EPHA10: variants seen among roughly 807,000 people sequenced by gnomAD.
The protein encoded by EPHA10 is EPH receptor A10.
A neutral mutation model predicts 109.7 loss-of-function variants in EPHA10; 120 were observed. The ratio of observed to expected loss-of-function variants is 1.09; its 90% CI spans 0.94 to 1.27. The LOEUF (loss-of-function observed/expected upper bound fraction) is 1.27. Ranked by LOEUF, EPHA10 falls within the 50% of genes most tolerant of loss-of-function variation. EPHA10 has a pLI of 0.00. For synonymous variants in EPHA10, 640 were observed against 618.9 expected (o/e 1.03, Z -0.51); for missense variants, 1,396 against 1,411.1 (o/e 0.99, Z 0.17).
chr1:37,747,360 G>C (rs1038455092), intron 5 of EPHA10, among the ~76,000 whole-genome samples: 1 of 151,992 alleles, frequency 6.6e-6, no homozygotes, highest in Non-Finnish European at 1.5e-5. Context: ...AGACAAGTTT[G>C]GGCAACATAG....
intron 4 of EPHA10, among the ~76,000 whole-genome samples, chr1:37,753,695 CG>C (rs1646364692): frequency 1.3e-5 from 1 of 76,202 alleles, no homozygotes; most frequent in Non-Finnish European, 2.9e-5. Flanking sequence ...CAGGGGCGAG[CG>C]GGAGCAGGGG....
At chr1:37,727,048 T>C (rs1355530709) in intron 8 of EPHA10, 54 bp downstream of exon 8, 30 of 1,410,858 alleles carry the variant, frequency 2.1e-5, no homozygotes, top group African/African-American at 2.9e-5. Flanking sequence ...CACACATTAA[T>C]GTGCACGGGA....
At position 37,754,794 on chromosome 1, in the gene EPHA10, TTTTA is replaced by T. The variant is rs1475040313; in HGVS notation, c.851-428_851-425del. Among the ~76,000 whole-genome samples the T allele has an allele frequency of 6.6e-6, 1 of 152,156 alleles. No homozygotes were observed. Among genetic ancestry groups the T allele is most frequent in the Non-Finnish European group, 1.5e-5 (1 of 68,022 alleles). On this transcript the variant is annotated intron_variant, in intron 3 of 16. Transcript: ENST00000373048. This position sits in a 1 kb window ranked among gnomAD's most constrained non-coding sequence, Gnocchi z 4.5. ...GGTTATATACTTTATCCTCTTTTTA[TTTTA>T]TTTATTTTTTCTTTTTTCTTTTCGA...
chr1:37,724,934 T>TG (rs1273449878), intron 8 of EPHA10, among the ~76,000 whole-genome samples: 2 of 152,094 alleles, frequency 1.3e-5, no homozygotes, highest in African/African-American at 2.4e-5. Context: ...TTCACTGTTA[T>TG]GGGGGGCAGA....
chr1:37,765,110 G>T lies in EPHA10; in HGVS notation c.-44C>A, dbSNP rs1205285087. On this transcript the variant is annotated 5_prime_UTR_variant, in exon 1 of 17. Transcript: ENST00000373048. ...TCAGTCCGGCGGCGGCTCAAGCCGC[G>T]CCAGCCTAGCACCGCTGAGCAATGC... The T allele has an allele frequency of 1.3e-6, 2 of 1,524,512 alleles. No homozygotes were observed. Among genetic ancestry groups the T allele is most frequent in the African/African-American group, 1.4e-5 (1 of 73,460 alleles). The allele number at this position is 1,524,512 out of a possible 1,614,324, so 94.4% of individuals were successfully genotyped here.
rs1645715768 is a variant in EPHA10, at chr1:37,717,821, T to C, written c.*551A>G. ...TTGCCTGCCTGAGCCTTGGCCAGTG[T>C]CCAGTCAGCCCCTGCCAAGGCACAG... On this transcript the variant is annotated 3_prime_UTR_variant, in exon 17 of 17. Transcript: ENST00000373048. The C allele has an allele frequency of 8.5e-6, 2 of 234,408 alleles. No homozygotes were observed. Among genetic ancestry groups the C allele is most frequent in the Non-Finnish European group, 1.7e-5 (2 of 118,784 alleles). 14.5% of individuals were successfully genotyped at this position (234,408 alleles called of 1,614,324 possible).
chr1:37,714,804 G>C (rs539227764), downstream of EPHA10: 1 of 152,394 alleles, frequency 6.6e-6, no homozygotes, highest in Admixed American at 6.5e-5. Flanking sequence ...CAGAGCAGAA[G>C]CTCCCCTCAC....
chr1:37,753,088 C>A lies in EPHA10; in HGVS notation c.1145G>T (p.Arg382Leu). ...TYSLLCLRCG[R>L]EGPAGACEPC... ...CTCGCAGGCGCCCGCCGGGCCCTCGCGGCCGCAGCGCAGGCACAGCAGCGA... is the reference window on the plus strand; with the variant it reads ...CTCGCAGGCGCCCGCCGGGCCCTCGAGGCCGCAGCGCAGGCACAGCAGCGA... The change falls in exon 5 of 17, where the codon CGC becomes CTC. Residue 382 changes from arginine (R) to leucine (L), a missense_variant. Coordinates refer to ENST00000373048, the MANE Select transcript of EPHA10 (RefSeq NM_001099439.2). 2 of 1,316,486 alleles carry A rather than the reference C, an allele frequency of 1.5e-6. No individual in the cohort carries two copies. Among genetic ancestry groups the A allele is most frequent in the Non-Finnish European group, 1.9e-6 (2 of 1,032,408 alleles). 81.6% of individuals were successfully genotyped at this position (1,316,486 alleles called of 1,614,324 possible). A position where few individuals can be genotyped will look rare whatever the true frequency, so the allele number is the denominator to read the frequency against.
chr1:37,731,712 C>T (rs746160242), intron 6 of EPHA10, 130 bp from the exon 7 acceptor site: 34 of 960,236 alleles, frequency 3.5e-5, no homozygotes, highest in Non-Finnish European at 4.9e-5. Context: ...GAAAACCCAA[C>T]CTCAATCATC....
In EPHA10 at chr1:37,754,593, T is replaced by G. The variant is rs1646377705; in HGVS notation, c.851-223A>C. Among the ~76,000 whole-genome samples, 1 of 152,122 alleles carries G rather than the reference T, an allele frequency of 6.6e-6. No individual in the cohort carries two copies. The highest frequency in any genetic ancestry group is 2.4e-5 in the African/African-American group (1 of 41,416). ...CGGAAAACTTTGAAACATTTTACTT[T>G]CAGCCGGGCGCGGTGGCTCATGCCT... On this transcript the variant is annotated intron_variant, in intron 3 of 16. Coordinates refer to ENST00000373048, the MANE Select transcript of EPHA10 (RefSeq NM_001099439.2). This position sits in a 1 kb window ranked among gnomAD's most constrained non-coding sequence, Gnocchi z 4.5.
Position 37,731,542 on chromosome 1 carries a change from G to A in EPHA10, c.1532C>T (p.Ala511Val), listed in dbSNP as rs141193695. The A allele has an allele frequency of 2.8e-4, 453 of 1,613,868 alleles. No individual in the cohort carries two copies. The African/African-American group carries it at 4.9e-3, about 17-fold the overall frequency. The change falls in exon 7 of 17, where the codon GCG becomes GTG. Residue 511 changes from alanine to valine, a missense_variant. Coordinates refer to ENST00000373048, the MANE Select transcript of EPHA10 (RefSeq NM_001099439.2). ...EQTYSMVKTGAPTVTVTNLKP... is the reference protein window; with the variant it reads ...EQTYSMVKTGVPTVTVTNLKP... The stretch of plus-strand genomic sequence containing the variant: ...CAGGTTGGTGACGGTGACTGTGGGC[G>A]CCCCTGTCTTCACCATGGAGTAAGT...
At chr1:37,732,280 C>A (rs1176433649) in intron 6 of EPHA10, among the ~76,000 whole-genome samples, 2 of 152,068 alleles carry the variant, frequency 1.3e-5, no homozygotes, top group Non-Finnish European at 1.5e-5. Context: ...AAGGAAGGGG[C>A]TGGTGCACCC....
At chr1:37,727,248 C>T in intron 7 of EPHA10, 38 bp from the exon 8 acceptor site, 1 of 1,542,456 alleles carries the variant, frequency 6.5e-7, no homozygotes, top group South Asian at 1.2e-5. Context: ...AGGCAGAGGA[C>T]CAGGCTCCTA....
intron 10 of EPHA10, 103 bp from the exon 11 acceptor site, chr1:37,721,948 T>C (rs1169508158): frequency 2.6e-6 from 3 of 1,174,258 alleles, no homozygotes; most frequent in Admixed American, 3.4e-5. Flanking sequence ...CTGGCCAACA[T>C]GGCGAAACCC....
At chr1:37,721,628 C>T (rs771273380) in intron 11 of EPHA10, 32 bp downstream of exon 11, 22 of 1,575,196 alleles carry the variant, frequency 1.4e-5, no homozygotes, top group Non-Finnish European at 1.8e-5. Flanking sequence ...TACCCGTGGG[C>T]TGGGCAGCAG....
At chr1:37,727,303 T>C in intron 7 of EPHA10, 93 bp from the exon 8 acceptor site, 1 of 1,023,938 alleles carries the variant, frequency 9.8e-7, no homozygotes, top group Non-Finnish European at 1.4e-6. Context: ...GTAGCAGGAT[T>C]CCCATAGCAC....
intron 5 of EPHA10, among the ~76,000 whole-genome samples, chr1:37,751,709 T>TA (rs1646330427): frequency 6.9e-6 from 1 of 145,590 alleles, no homozygotes; most frequent in Non-Finnish European, 1.5e-5. Flanking sequence ...CCGTCTCTAC[T>TA]AAAAAATACA....
chr1:37,719,273 G>C, intron 15 of EPHA10, 141 bp downstream of exon 15: 1 of 981,548 alleles, frequency 1.0e-6, no homozygotes, highest in Non-Finnish European at 1.5e-6. Context: ...CAGGCAGGCA[G>C]GCTACAGCCC....
rs374367326 is a variant in EPHA10, at chr1:37,735,405, C to T, written c.1358-15G>A. 231 of 1,577,630 alleles carry T rather than the reference C, an allele frequency of 1.5e-4. 2 individuals carry two copies. The East Asian group carries it at 4.5e-3, about 31-fold the overall frequency. On this transcript the variant is annotated splice_polypyrimidine_tract_variant and intron_variant, in intron 5 of 16. Coordinates refer to ENST00000373048, the MANE Select transcript of EPHA10 (RefSeq NM_001099439.2). Reference sequence around the variant, plus strand: ...CTCCCAGGGCGCTGAAAGTAAGTTACGTGGGATTCTCCACCTTGACCCACC... The same window carrying T: ...CTCCCAGGGCGCTGAAAGTAAGTTATGTGGGATTCTCCACCTTGACCCACC...
Sources: gnomAD v4.1 joint callset for allele counts (sites outside exome capture counted in the v4.1 genomes callset) on GRCh38, gnomAD v4.1.1 for gene constraint, Gnocchi (gnomAD v3.1) non-coding constraint, MANE v1.5 for transcripts, NCBI Gene and HGNC (gene_info 2026-07-23, HGNC 2026-07-21) for gene names.